TEC: variants seen among roughly 807,000 people sequenced by gnomAD.
TEC encodes the protein tyrosine-protein kinase Tec.
Under a neutral mutation model 93.0 loss-of-function variants are expected in TEC, and 72 were observed. That is an observed-to-expected ratio of 0.77 (90% CI 0.64 to 0.94). TEC has a LOEUF of 0.94. TEC is among the 40% of genes least tolerant of loss of function. TEC has a pLI of 0.00. For synonymous variants in TEC, 249 were observed against 247.7 expected (o/e 1.01, Z -0.05); for missense variants, 630 against 757.9 (o/e 0.83, Z 1.98).
intron 7 of TEC, 102 bp downstream of exon 7, chr4:48,167,676 A>G (rs1577716095): frequency 1.4e-4 from 153 of 1,084,644 alleles, no homozygotes; most frequent in African/African-American, 3.1e-5. Flanking sequence ...ATGGCTGGTG[A>G]AATTAGTCTC....
intron 1 of TEC, among the ~76,000 whole-genome samples, chr4:48,240,614 C>T (rs1336840221): frequency 1.3e-5 from 2 of 152,138 alleles, no homozygotes; most frequent in Admixed American, 6.6e-5. Flanking sequence ...CTCCTCTCTT[C>T]CCTCTATGTC....
chr4:48,239,189 A>G (rs1298904348), intron 1 of TEC, among the ~76,000 whole-genome samples: 2 of 152,202 alleles, frequency 1.3e-5, no homozygotes, highest in Non-Finnish European at 2.9e-5. Context: ...AAGAAGTCAA[A>G]ATTTTGATTA....
At chr4:48,232,360 G>A (rs1723673755) in intron 1 of TEC, among the ~76,000 whole-genome samples, 2 of 151,704 alleles carry the variant, frequency 1.3e-5, no homozygotes, top group South Asian at 2.1e-4. Flanking sequence ...CTCTTATACA[G>A]AATCACACCA....
intron 2 of TEC, among the ~76,000 whole-genome samples, chr4:48,227,397 GT>G: frequency 6.6e-6 from 1 of 152,020 alleles, no homozygotes; most frequent in Non-Finnish European, 1.5e-5. Context: ...AATTCTAGCA[GT>G]TTGGGAGGCC....
At chr4:48,142,781 A>C (rs1719736945) in intron 14 of TEC, among the ~76,000 whole-genome samples, 1 of 151,962 alleles carries the variant, frequency 6.6e-6, no homozygotes, top group South Asian at 2.1e-4. Flanking sequence ...CCTGGGTTCA[A>C]GTGATTCTTC....
intron 2 of TEC, among the ~76,000 whole-genome samples, chr4:48,227,500 G>A (rs576811234): frequency 2.6e-5 from 4 of 151,870 alleles, no homozygotes; most frequent in Non-Finnish European, 4.4e-5. Flanking sequence ...AAAATTAGCC[G>A]AGTGCGGTGG....
chr4:48,166,429 C>T (rs1350440640), intron 7 of TEC, among the ~76,000 whole-genome samples: 2 of 152,056 alleles, frequency 1.3e-5, no homozygotes, highest in African/African-American at 4.8e-5. Context: ...TACTCTTCCT[C>T]CAGGTACAAA....
chr4:48,151,673 G>C (rs1051363557), intron 9 of TEC, among the ~76,000 whole-genome samples: 14 of 152,154 alleles, frequency 9.2e-5, no homozygotes, highest in African/African-American at 3.4e-4. Context: ...TTTCAGTAGA[G>C]CCGGGGTTTC....
At chr4:48,256,017 C>T (rs528284422) in intron 1 of TEC, among the ~76,000 whole-genome samples, 1 of 152,262 alleles carries the variant, frequency 6.6e-6, no homozygotes, top group Admixed American at 6.5e-5. Context: ...AATCAATAAA[C>T]ATGCTGAGCA....
intron 1 of TEC, among the ~76,000 whole-genome samples, chr4:48,241,035 T>A (rs1270303262): frequency 2.6e-5 from 4 of 152,202 alleles, no homozygotes; most frequent in Non-Finnish European, 5.9e-5. Context: ...AATTATCAAC[T>A]ATACTCAAAA....
At chr4:48,248,777 C>T (rs1560424946) in intron 1 of TEC, among the ~76,000 whole-genome samples, 1 of 152,098 alleles carries the variant, frequency 6.6e-6, no homozygotes, top group Non-Finnish European at 1.5e-5. Context: ...GTACACACCC[C>T]TTCTGGGGTG....
At chr4:48,258,881 A>G (rs1213907632) in intron 1 of TEC, among the ~76,000 whole-genome samples, 2 of 152,098 alleles carry the variant, frequency 1.3e-5, no homozygotes, top group African/African-American at 4.8e-5. Flanking sequence ...TATTTGCTTA[A>G]AACAGTATAA....
intron 11 of TEC, among the ~76,000 whole-genome samples, chr4:48,148,864 C>T (rs1239418862): frequency 1.3e-5 from 2 of 152,102 alleles, no homozygotes; most frequent in Non-Finnish European, 2.9e-5. Context: ...GTGTTGTTCC[C>T]CTCTATGTGT....
At chr4:48,265,497 G>GTGTGTA (rs140621313) in intron 1 of TEC, among the ~76,000 whole-genome samples, 4 of 118,676 alleles carry the variant, frequency 3.4e-5, no homozygotes, top group East Asian at 2.5e-4. Flanking sequence ...ATATATGTGT[G>GTGTGTA]TATATATATA....
At chr4:48,198,344 T>C (rs530017012) in intron 2 of TEC, among the ~76,000 whole-genome samples, 1 of 152,306 alleles carries the variant, frequency 6.6e-6, no homozygotes, top group African/African-American at 2.4e-5. Flanking sequence ...GTCCCCAGGT[T>C]CCAGGTGGGC....
intron 2 of TEC, among the ~76,000 whole-genome samples, chr4:48,193,023 T>A (rs1722145566): frequency 6.6e-6 from 1 of 152,168 alleles, no homozygotes; most frequent in Admixed American, 6.5e-5. Flanking sequence ...ATAACTTTGT[T>A]GAATAAGTCA....
At position 48,216,296 on chromosome 4, in the gene TEC, G is replaced by A. The variant is rs542506667; in HGVS notation, c.138+12181C>T. Among the ~76,000 whole-genome samples, 2 of 151,312 alleles carry A rather than the reference G, an allele frequency of 1.3e-5. 1 individual carries two copies. The highest frequency in any genetic ancestry group is 4.2e-4 in the South Asian group (2 of 4,768). On this transcript the variant is annotated intron_variant, in intron 2 of 17. Transcript: ENST00000381501. ...ACAGGTCTATACTCTTGCCACCAAG[G>A]ATTCCTCCACTCATAATTTGGTCTC...
intron 1 of TEC, among the ~76,000 whole-genome samples, chr4:48,263,369 T>C (rs1404817459): frequency 6.6e-6 from 1 of 152,038 alleles, no homozygotes; most frequent in Non-Finnish European, 1.5e-5. Flanking sequence ...AGGTAAAACA[T>C]TCAGAGGTCA....
chr4:48,178,013 T>A (rs1721403330), intron 2 of TEC, among the ~76,000 whole-genome samples: 1 of 152,198 alleles, frequency 6.6e-6, no homozygotes, highest in African/African-American at 2.4e-5. Context: ...GTCTTTGGTA[T>A]GTCTTTATAG....
Sources: allele counts gnomAD v4.1 joint callset (sites outside exome capture counted in the v4.1 genomes callset), GRCh38; gene constraint gnomAD v4.1.1; transcripts MANE v1.5; gene names NCBI Gene and HGNC (gene_info 2026-07-23, HGNC 2026-07-21).